Variants in FREM1 observed in about 807,000 individuals in gnomAD.
FREM1 encodes FRAS1-related extracellular matrix protein 1.
Under a neutral mutation model 210.1 loss-of-function variants are expected in FREM1, and 220 were observed. That is an observed-to-expected ratio of 1.05 (90% confidence interval 0.94 to 1.17). The LOEUF (loss-of-function observed/expected upper bound fraction) is 1.17, where lower values mean the gene tolerates loss of function less well. FREM1 is among the 50% of genes most tolerant of loss of function. The probability of loss-of-function intolerance (pLI) is 0.00; values close to 1 mark genes in which losing one functional copy is unlikely to be tolerated. For synonymous variants in FREM1, 1,189 were observed against 980.2 expected, an observed-to-expected ratio of 1.21 and a Z score of -3.98; for missense variants, 3,454 against 2,675.5, an observed-to-expected ratio of 1.29 and a Z score of -6.42.
At chr9:14,850,879 T>C (rs1252114994) in intron 6 of FREM1, among the ~76,000 whole-genome samples, 3 of 152,242 alleles carry the variant, frequency 2.0e-5, no homozygotes, top group African/African-American at 7.2e-5. Flanking sequence ...ATTTGGTAGC[T>C]AGCACAATAC....
At chr9:14,820,099 G>C (rs1177796013) in intron 13 of FREM1, among the ~76,000 whole-genome samples, 2 of 152,222 alleles carry the variant, frequency 1.3e-5, no homozygotes, top group African/African-American at 2.4e-5. Context: ...AAAGCAAGTT[G>C]AATGGCTTGG....
At chr9:14,860,904 C>CATATATACATATATATACGTATAT in intron 3 of FREM1, among the ~76,000 whole-genome samples, 1 of 74,192 alleles carries the variant, frequency 1.3e-5, no homozygotes, top group African/African-American at 9.9e-5. Flanking sequence ...CATATATACA[C>CATATATACATATATATACGTATAT]ATATACACAT....
intron 1 of FREM1, among the ~76,000 whole-genome samples, chr9:14,876,025 T>C (rs1833653707): frequency 6.6e-6 from 1 of 152,174 alleles, no homozygotes; most frequent in African/African-American, 2.4e-5. Context: ...TGTCTGATCG[T>C]TCCTCTGGAA....
rs1040759080 is a variant in FREM1, at chr9:14,798,716, C to T, written c.3695-1074G>A. ...TGTGACAGAGTCTCACTCTGTCACC[C>T]AGGCTGGAATGCAGTGACATGATAT... On this transcript the variant is annotated intron_variant, in intron 20 of 36. Coordinates refer to ENST00000380880, the MANE Select transcript of FREM1 (RefSeq NM_001379081.2). Among the ~76,000 whole-genome samples the T allele has an allele frequency of 2.6e-5, 4 of 152,170 alleles. No homozygotes were observed. The East Asian group carries it at 7.8e-4, about 30-fold the overall frequency.
In FREM1 at chr9:14,804,880, G is replaced by A. The variant is rs1818067827; in HGVS notation, c.3471+76C>T. The A allele has an allele frequency of 2.8e-6, 3 of 1,078,828 alleles. No homozygotes were observed. In the African/African-American group the frequency reaches 4.6e-5, roughly 17 times the overall value. The allele number at this position is 1,078,828 out of a possible 1,614,324, so 66.8% of individuals were successfully genotyped here. ...AATGCAATGTGTTAATGCACTTGGA[G>A]CAATGTAAATGGACTAATTGAAAAT... On this transcript the variant is annotated intron_variant, in intron 19 of 36. Transcript: ENST00000380880.
intron 10 of FREM1, among the ~76,000 whole-genome samples, chr9:14,827,913 T>C (rs936112906): frequency 6.1e-4 from 93 of 152,324 alleles, no homozygotes; most frequent in African/African-American, 2.2e-3. Context: ...ACACAAGAAG[T>C]AGGCCTTGGC....
intron 5 of FREM1, among the ~76,000 whole-genome samples, chr9:14,857,004 G>A (rs935667416): frequency 2.6e-5 from 4 of 152,096 alleles, no homozygotes; most frequent in African/African-American, 9.7e-5. Flanking sequence ...ATCAATAGGA[G>A]AAAAACAAGA....
intron 3 of FREM1, among the ~76,000 whole-genome samples, chr9:14,863,148 T>C (rs1830867430): frequency 6.6e-6 from 1 of 151,956 alleles, no homozygotes; most frequent in Admixed American, 6.6e-5. Flanking sequence ...AAGACCATCC[T>C]GGCTAACACG....
chr9:14,899,507 A>T (rs892973314), intron 1 of FREM1, among the ~76,000 whole-genome samples: 5 of 152,200 alleles, frequency 3.3e-5, no homozygotes, highest in African/African-American at 1.2e-4. Flanking sequence ...AAAGTATCTG[A>T]ATGTCTGATT....
In FREM1 at chr9:14,884,299, C is replaced by G. The variant is rs1203932084; in HGVS notation, c.-267-15055G>C. On this transcript the variant is annotated intron_variant, in intron 1 of 36. Transcript: ENST00000380880. Reference sequence around the variant, plus strand: ...GTCTTGGCTTGCTTGTGTGGCTCAGCTGTTTCTTAACATTTCGAAATCCTC... The same window carrying G: ...GTCTTGGCTTGCTTGTGTGGCTCAGGTGTTTCTTAACATTTCGAAATCCTC... Among the ~76,000 whole-genome samples the G allele has an allele frequency of 2.6e-5, 4 of 152,314 alleles. No homozygotes were observed. The South Asian group carries it at 6.2e-4, about 24-fold the overall frequency.
chr9:14,804,034 T>C (rs1379732305), intron 19 of FREM1, among the ~76,000 whole-genome samples: 1 of 152,196 alleles, frequency 6.6e-6, no homozygotes, highest in Admixed American at 6.5e-5. Flanking sequence ...TTTAGATCAA[T>C]ATACATAAAA....
intron 3 of FREM1, among the ~76,000 whole-genome samples, chr9:14,860,720 C>T (rs62641077): frequency 2.3e-5 from 2 of 86,630 alleles, no homozygotes; most frequent in East Asian, 2.7e-4. Context: ...CATATATACA[C>T]ATATATACAC....
At chr9:14,799,838 G>A (rs923212438) in intron 20 of FREM1, among the ~76,000 whole-genome samples, 11 of 150,710 alleles carry the variant, frequency 7.3e-5, no homozygotes, top group South Asian at 4.2e-4. Context: ...GGGTACATGT[G>A]CACAATGTGC....
chr9:14,797,315 G>A (rs943963481), intron 21 of FREM1, among the ~76,000 whole-genome samples, 183 bp downstream of exon 21: 6 of 152,304 alleles, frequency 3.9e-5, no homozygotes, highest in Middle Eastern at 3.4e-3. Context: ...TGATTGTTAA[G>A]GAGAGGTTAC....
chr9:14,868,621 T>C (rs1831983770), intron 2 of FREM1, 123 bp downstream of exon 2: 1 of 676,386 alleles, frequency 1.5e-6, no homozygotes, highest in Non-Finnish European at 2.6e-6. Context: ...GTGAACATCT[T>C]CTAATACTCG....
intron 32 of FREM1, 51 bp from the exon 33 acceptor site, chr9:14,747,479 T>A: frequency 6.5e-7 from 1 of 1,544,350 alleles, no homozygotes; most frequent in Admixed American, 2.0e-5. Flanking sequence ...AACATCAAGA[T>A]AGCAAACAAA....
chr9:14,775,816 CCA>C lies in FREM1; in HGVS notation c.4828_4829del (p.Trp1610GlyfsTer52). The C allele has an allele frequency of 6.2e-7, 1 of 1,613,214 alleles. No individual in the cohort carries two copies. The highest frequency in any genetic ancestry group is 8.5e-7 in the Non-Finnish European group (1 of 1,179,370). ...GAATGGTGAATAAAACAGGTTCTTC[CCA>C]CACTCTCCCATTCACAATAAAGCCT... is the stretch of plus-strand genomic sequence containing the variant. ...NQGFIVNGRV[W>X]EEPVLFTIQV... On this transcript the variant is annotated frameshift_variant, in exon 25 of 37. Transcript: ENST00000380880. LOFTEE classifies it high-confidence loss of function.
At chr9:14,789,441 C>A (rs923580968) in intron 22 of FREM1, among the ~76,000 whole-genome samples, 1 of 152,146 alleles carries the variant, frequency 6.6e-6, no homozygotes, top group Non-Finnish European at 1.5e-5. Flanking sequence ...GGTGGGTAAT[C>A]GAGCTCTTGG....
Position 14,776,145 on chromosome 9 carries a change from T to C in FREM1, c.4501A>G (p.Thr1501Ala), listed in dbSNP as rs1848533960. 1.3e-6 allele frequency: 2 copies of C among 1,564,908 alleles called. No homozygotes were observed. Among genetic ancestry groups the C allele is most frequent in the Non-Finnish European group, 8.7e-7 (1 of 1,154,928 alleles). The part of the protein sequence containing the change: ...EHGVFEITLE[T>A]VDRALPVVTR... ...ACCACAGGCAGGGCTCTGTCCACAGTCTCCAGTGTGATCTCAAACACCCCG... is the reference window on the plus strand; with the variant it reads ...ACCACAGGCAGGGCTCTGTCCACAGCCTCCAGTGTGATCTCAAACACCCCG... The change falls in exon 25 of 37, where the codon ACT becomes GCT. Residue 1501 changes from threonine to alanine, a missense_variant. Transcript: ENST00000380880.
Sources: allele counts gnomAD v4.1 joint callset (sites outside exome capture counted in the v4.1 genomes callset), GRCh38; gene constraint gnomAD v4.1.1; transcripts MANE v1.5; gene names NCBI Gene and HGNC (gene_info 2026-07-23, HGNC 2026-07-21).